TRPM3: variants seen among roughly 807,000 people sequenced by gnomAD.
TRPM3 encodes long transient receptor potential channel 3.
A neutral mutation model predicts 181.2 loss-of-function variants in TRPM3; 77 were observed. That is an observed-to-expected ratio of 0.42 (90% CI 0.35 to 0.51). TRPM3 has a LOEUF of 0.51. Ranked by LOEUF, TRPM3 falls within the 20% of genes least tolerant of loss-of-function variation. TRPM3 has a pLI of 0.01. For synonymous variants in TRPM3, 745 were observed against 796.4 expected (o/e 0.94, Z 1.09); for missense variants, 1,759 against 2,196.7 (o/e 0.80, Z 3.98).
At chr9:71,149,531 C>T (rs1420610556) in intron 1 of TRPM3, among the ~76,000 whole-genome samples, 1 of 152,130 alleles carries the variant, frequency 6.6e-6, no homozygotes, top group Non-Finnish European at 1.5e-5. Context: ...CATAGCGAAT[C>T]TCAATAGCCT....
intron 9 of TRPM3, among the ~76,000 whole-genome samples, chr9:70,670,712 A>G (rs11142540): frequency 0.37 from 56,293 of 152,006 alleles, 10,765 homozygotes; most frequent in East Asian, 0.46. Context: ...GGAATTTTTA[A>G]AACCCGTTTC....
At chr9:70,948,377 T>C (rs190825652) in intron 1 of TRPM3, among the ~76,000 whole-genome samples, 84 of 152,324 alleles carry the variant, frequency 5.5e-4, no homozygotes, top group Non-Finnish European at 9.7e-4. Flanking sequence ...CGAAATATAC[T>C]TTAATAGTTC....
At chr9:71,220,184 G>A (rs2080147816) in intron 1 of TRPM3, among the ~76,000 whole-genome samples, 1 of 152,102 alleles carries the variant, frequency 6.6e-6, no homozygotes, top group Admixed American at 6.6e-5. Flanking sequence ...AGAGTCAATT[G>A]TAGTTTATCC....
chr9:71,331,302 C>A (rs1402232307), intron 1 of TRPM3, among the ~76,000 whole-genome samples: 1 of 151,754 alleles, frequency 6.6e-6, no homozygotes, highest in African/African-American at 2.4e-5. Context: ...CATATGAAAA[C>A]TTTCACTAAT....
At chr9:70,901,801 TC>T (rs1241455843) in intron 1 of TRPM3, among the ~76,000 whole-genome samples, 1 of 152,180 alleles carries the variant, frequency 6.6e-6, no homozygotes, top group African/African-American at 2.4e-5. Flanking sequence ...GTTATTAATT[TC>T]CAAGTTATTA....
At chr9:70,867,764 G>A (rs1047088437) in intron 1 of TRPM3, among the ~76,000 whole-genome samples, 5 of 151,980 alleles carry the variant, frequency 3.3e-5, no homozygotes, top group Non-Finnish European at 4.4e-5. Context: ...TGTGAGCTTC[G>A]CTTTATCATG....
At position 71,008,802 on chromosome 9, in the gene TRPM3, G is replaced by A. The variant is rs904070430; in HGVS notation, c.177+112376C>T. Reference sequence around the variant, plus strand: ...GGAGGTTGCAGTGAGCCAAGATCACGCCACTGAACTCCCGCCTAGGCGACA... The same window carrying A: ...GGAGGTTGCAGTGAGCCAAGATCACACCACTGAACTCCCGCCTAGGCGACA... On this transcript the variant is annotated intron_variant, in intron 1 of 25. Transcript: ENST00000677713. Among the ~76,000 whole-genome samples, 6 of 152,184 alleles carry A rather than the reference G, an allele frequency of 3.9e-5. No individual in the cohort carries two copies. In the South Asian group the frequency reaches 6.2e-4, roughly 16 times the overall value.
At chr9:70,940,112 C>T (rs1257212026) in intron 1 of TRPM3, among the ~76,000 whole-genome samples, 2 of 152,112 alleles carry the variant, frequency 1.3e-5, no homozygotes, top group Non-Finnish European at 2.9e-5. Context: ...TGTATTAAAC[C>T]ATTTCCTGAG....
chr9:71,064,322 C>T (rs909873900), intron 1 of TRPM3, among the ~76,000 whole-genome samples: 1 of 151,826 alleles, frequency 6.6e-6, no homozygotes, highest in African/African-American at 2.4e-5. Flanking sequence ...AGTAGAAATG[C>T]TTGGAGATAA....
At position 70,933,975 on chromosome 9, in the gene TRPM3, G is replaced by A. The variant is rs532021633; in HGVS notation, c.178-69464C>T. Among the ~76,000 whole-genome samples the A allele has an allele frequency of 7.9e-5, 12 of 152,226 alleles. No individual in the cohort carries two copies. In the South Asian group the frequency reaches 2.5e-3, roughly 32 times the overall value. On this transcript the variant is annotated intron_variant, in intron 1 of 25. Coordinates refer to ENST00000677713, the MANE Select transcript of TRPM3 (RefSeq NM_001366145.2). ...GTTTTTTGTGGTGTGGTGGAAAGCT[G>A]AGGAAGTTACCATCTTAGGGGTTCA...
At chr9:71,305,789 T>C (rs1043110981) in intron 1 of TRPM3, among the ~76,000 whole-genome samples, 5 of 152,130 alleles carry the variant, frequency 3.3e-5, no homozygotes, top group Non-Finnish European at 7.3e-5. Context: ...TGACTTGCTT[T>C]CTCTTTCTTT....
intron 6 of TRPM3, among the ~76,000 whole-genome samples, chr9:70,817,621 A>G (rs938778425): frequency 6.6e-6 from 1 of 152,126 alleles, no homozygotes; most frequent in Non-Finnish European, 1.5e-5. Flanking sequence ...AGACCGGAAG[A>G]TCTCCTGCCA....
intron 1 of TRPM3, among the ~76,000 whole-genome samples, chr9:71,393,627 A>C (rs1588824996): frequency 6.6e-6 from 1 of 152,274 alleles, no homozygotes; most frequent in South Asian, 2.1e-4. Flanking sequence ...TGAAGATGTG[A>C]CTTCACAGTT....
At chr9:71,020,434 T>G (rs550590372) in intron 1 of TRPM3, among the ~76,000 whole-genome samples, 130 of 150,734 alleles carry the variant, frequency 8.6e-4, no homozygotes, top group Non-Finnish European at 1.5e-3. Context: ...ACCATGTCTG[T>G]GCCACTGCAC....
intron 22 of TRPM3, among the ~76,000 whole-genome samples, chr9:70,562,989 G>A (rs904457036): frequency 7.9e-5 from 12 of 152,166 alleles, no homozygotes; most frequent in African/African-American, 2.9e-4. Context: ...CTAAACAGGT[G>A]GGATCTCTTT....
At chr9:70,839,592 A>C (rs1457674007) in intron 5 of TRPM3, among the ~76,000 whole-genome samples, 1 of 152,184 alleles carries the variant, frequency 6.6e-6, no homozygotes, top group Non-Finnish European at 1.5e-5. Context: ...TATATTTTCC[A>C]TCAGTTTGGA....
intron 1 of TRPM3, among the ~76,000 whole-genome samples, chr9:71,060,018 G>C (rs2061127557): frequency 6.6e-6 from 1 of 152,076 alleles, no homozygotes; most frequent in Non-Finnish European, 1.5e-5. Context: ...TGACCTGAGA[G>C]CTGTATACAT....
At chr9:71,046,865 C>G (rs1203716575) in intron 1 of TRPM3, among the ~76,000 whole-genome samples, 1 of 152,118 alleles carries the variant, frequency 6.6e-6, no homozygotes, top group Admixed American at 6.6e-5. Context: ...GGTCTTTGGC[C>G]TTTCACAGTT....
chr9:71,305,947 G>A (rs543506359), intron 1 of TRPM3, among the ~76,000 whole-genome samples: 2 of 152,074 alleles, frequency 1.3e-5, no homozygotes, highest in Admixed American at 1.3e-4. Flanking sequence ...AATTCTAACT[G>A]CAAGACAAAT....
Sources: gnomAD v4.1 joint callset for allele counts (sites outside exome capture counted in the v4.1 genomes callset) on GRCh38, gnomAD v4.1.1 for gene constraint, MANE v1.5 for transcripts, NCBI Gene and HGNC (gene_info 2026-07-23, HGNC 2026-07-21) for gene names.